SUPT3H: variants seen among roughly 807,000 people sequenced by gnomAD.
The protein encoded by SUPT3H is transcription initiation protein SPT3 homolog.
Under a neutral mutation model 44.3 loss-of-function variants are expected in SUPT3H, and 44 were observed. The ratio of observed to expected loss-of-function variants is 0.99; its 90% CI spans 0.78 to 1.28. SUPT3H has a LOEUF of 1.28. Ranked by LOEUF, SUPT3H falls within the 50% of genes most tolerant of loss-of-function variation. The pLI, the probability that SUPT3H is intolerant of heterozygous loss-of-function variation, is 0.00. For missense variants in SUPT3H, 380 were observed against 387.1 expected (o/e 0.98, Z 0.15); for synonymous variants, 124 against 125.6 (o/e 0.99, Z 0.09).
chr6:45,137,044 A>T (rs1242439025), intron 2 of SUPT3H, among the ~76,000 whole-genome samples: 1 of 152,136 alleles, frequency 6.6e-6, no homozygotes, highest in East Asian at 1.9e-4. Flanking sequence ...TTACAACTGG[A>T]TTAACAGCTG....
chr6:45,305,929 C>CT (rs1317210168), intron 2 of SUPT3H, among the ~76,000 whole-genome samples: 10 of 152,224 alleles, frequency 6.6e-5, no homozygotes, highest in Non-Finnish European at 4.4e-5. Context: ...AAGTACCAAA[C>CT]CAGCTATCAC....
At chr6:45,129,432 T>C (rs1045898349) in intron 2 of SUPT3H, among the ~76,000 whole-genome samples, 5 of 152,208 alleles carry the variant, frequency 3.3e-5, no homozygotes, top group Admixed American at 6.5e-5. Flanking sequence ...AATTTCTAGT[T>C]ATGTGGTCTC....
At chr6:44,885,401 A>T (rs984727831) in intron 10 of SUPT3H, among the ~76,000 whole-genome samples, 1 of 151,884 alleles carries the variant, frequency 6.6e-6, no homozygotes, top group Non-Finnish European at 1.5e-5. Flanking sequence ...ACGTCCGGGT[A>T]CTCCTCTGAG....
chr6:45,048,351 T>C (rs901211257), intron 3 of SUPT3H, among the ~76,000 whole-genome samples: 2 of 151,854 alleles, frequency 1.3e-5, no homozygotes, highest in Admixed American at 1.3e-4. Context: ...ATCAATGTCA[T>C]GGAGCTTTCC....
intron 2 of SUPT3H, among the ~76,000 whole-genome samples, chr6:45,250,227 C>G (rs1228172927): frequency 6.6e-6 from 1 of 151,346 alleles, no homozygotes; most frequent in Admixed American, 6.6e-5. Flanking sequence ...TCAGAAGCAG[C>G]AGAAAAATAA....
intron 2 of SUPT3H, among the ~76,000 whole-genome samples, chr6:45,184,775 G>GAAAAAAAAAA (rs55652227): frequency 7.8e-6 from 1 of 128,576 alleles, no homozygotes; most frequent in Non-Finnish European, 1.6e-5. Flanking sequence ...ACAGGCAGAG[G>GAAAAAAAAAA]AAAAAAAAAA....
chr6:44,906,546 G>C (rs533258981), intron 10 of SUPT3H, among the ~76,000 whole-genome samples: 1 of 152,220 alleles, frequency 6.6e-6, no homozygotes, highest in Non-Finnish European at 1.5e-5. Context: ...GGCGGATCAC[G>C]AGGTCAGGAG....
chr6:45,011,017 ATGAATTGTT>A (rs1168178071), intron 5 of SUPT3H, among the ~76,000 whole-genome samples: 7 of 152,150 alleles, frequency 4.6e-5, no homozygotes. Context: ...GATGCATTAC[ATGAATTGTT>A]TTCTAAGTTT....
At chr6:44,903,775 A>T (rs984916812) in intron 10 of SUPT3H, among the ~76,000 whole-genome samples, 1 of 152,198 alleles carries the variant, frequency 6.6e-6, no homozygotes, top group East Asian at 1.9e-4. Context: ...TGATGCAAAA[A>T]TCCTCAATAA....
intron 10 of SUPT3H, among the ~76,000 whole-genome samples, chr6:44,882,101 T>C (rs904624600): frequency 6.6e-6 from 1 of 152,176 alleles, no homozygotes; most frequent in South Asian, 2.1e-4. Context: ...ATCCAGGAGC[T>C]GGTTCTTTTG....
chr6:44,930,329 C>T (rs1038843601), intron 10 of SUPT3H, among the ~76,000 whole-genome samples: 1 of 150,868 alleles, frequency 6.6e-6, no homozygotes, highest in Non-Finnish European at 1.5e-5. Flanking sequence ...TGCAGTGAGC[C>T]GAGTTCGCGC....
At chr6:45,218,659 G>T (rs1022684186) in intron 2 of SUPT3H, among the ~76,000 whole-genome samples, 6 of 152,160 alleles carry the variant, frequency 3.9e-5, no homozygotes, top group Admixed American at 3.9e-4. Context: ...ACTTGAACCT[G>T]GGAGGCGGAG....
chr6:45,305,889 C>T (rs1782910534), intron 2 of SUPT3H, among the ~76,000 whole-genome samples: 1 of 152,200 alleles, frequency 6.6e-6, no homozygotes, highest in Non-Finnish European at 1.5e-5. Flanking sequence ...GGGCTAAAAG[C>T]CAAGCCCTCA....
chr6:44,904,303 T>A (rs987750782), intron 10 of SUPT3H, among the ~76,000 whole-genome samples: 1 of 152,208 alleles, frequency 6.6e-6, no homozygotes, highest in African/African-American at 2.4e-5. Flanking sequence ...CTTAAGCTGA[T>A]AAGCAACTTC....
At chr6:45,367,162 T>C (rs918719947) in intron 1 of SUPT3H, among the ~76,000 whole-genome samples, 1 of 152,050 alleles carries the variant, frequency 6.6e-6, no homozygotes, top group Non-Finnish European at 1.5e-5. Flanking sequence ...ACTAGCTAGG[T>C]GACTAGGTTT....
intron 2 of SUPT3H, among the ~76,000 whole-genome samples, chr6:45,199,803 G>A (rs1762187635): frequency 6.6e-6 from 1 of 151,242 alleles, no homozygotes; most frequent in African/African-American, 2.4e-5. Context: ...ATTCAGAAAT[G>A]TTTTCCTTTT....
At chr6:45,220,022 G>A (rs1233424964) in intron 2 of SUPT3H, among the ~76,000 whole-genome samples, 5 of 109,062 alleles carry the variant, frequency 4.6e-5, no homozygotes, top group Non-Finnish European at 8.4e-5. Flanking sequence ...CTGGGTGACC[G>A]AGAGAGAGAC....
intron 3 of SUPT3H, among the ~76,000 whole-genome samples, chr6:45,031,380 T>C (rs1786913846): frequency 6.6e-6 from 1 of 152,194 alleles, no homozygotes; most frequent in Admixed American, 6.5e-5. Flanking sequence ...CATAGATACA[T>C]ACCAAACATG....
chr6:44,937,730 A>T (rs938900842), intron 9 of SUPT3H, among the ~76,000 whole-genome samples: 3 of 148,670 alleles, frequency 2.0e-5, no homozygotes, highest in African/African-American at 7.9e-5. Flanking sequence ...GTCTTATTTT[A>T]AAAAATGCCT....
Sources: gnomAD v4.1 joint callset for allele counts (sites outside exome capture counted in the v4.1 genomes callset) on GRCh38, gnomAD v4.1.1 for gene constraint, MANE v1.5 for transcripts, NCBI Gene and HGNC (gene_info 2026-07-23, HGNC 2026-07-21) for gene names.